The following ATP8A2 variants were observed in gnomAD, a reference collection of about 807,000 sequenced individuals.
ATP8A2 encodes the protein phospholipid-transporting ATPase IB.
In ATP8A2, 100 loss-of-function variants were observed where a neutral mutation model predicts 165.6. The observed-to-expected ratio is 0.60, with a 90% CI of 0.51 to 0.71. The LOEUF is 0.71. Ranked by LOEUF, ATP8A2 falls within the 30% of genes least tolerant of loss-of-function variation. The probability of loss-of-function intolerance (pLI) is 0.00; values close to 1 mark genes in which losing one functional copy is unlikely to be tolerated. For missense variants in ATP8A2, 1,227 were observed against 1,479.5 expected, an observed-to-expected ratio of 0.83 and a Z score of 2.80; for synonymous variants, 543 against 548.8, an observed-to-expected ratio of 0.99 and a Z score of 0.15.
At chr13:25,497,169 G>A (rs1165081975) in intron 2 of ATP8A2, among the ~76,000 whole-genome samples, 1 of 152,162 alleles carries the variant, frequency 6.6e-6, no homozygotes, top group Non-Finnish European at 1.5e-5. Context: ...GAAATTCTTT[G>A]AAGTTTGAGG....
intron 27 of ATP8A2, among the ~76,000 whole-genome samples, chr13:25,794,820 TACACACACACACACACAC>T (rs3053488): frequency 4.3e-5 from 6 of 139,612 alleles, no homozygotes; most frequent in African/African-American, 8.1e-5. Flanking sequence ...TTCCCTCTCC[TACACACACACACACACAC>T]ACACACACAC....
chr13:25,693,837 G>A (rs2042780204), intron 24 of ATP8A2, among the ~76,000 whole-genome samples: 1 of 152,062 alleles, frequency 6.6e-6, no homozygotes, highest in Non-Finnish European at 1.5e-5. Context: ...ATACAAGGGT[G>A]TGCCACCACA....
At chr13:25,564,201 G>A (rs1186038977) in intron 16 of ATP8A2, among the ~76,000 whole-genome samples, 170 bp downstream of exon 16, 2 of 152,290 alleles carry the variant, frequency 1.3e-5, no homozygotes, top group African/African-American at 2.4e-5. Context: ...TGTGGTGAAC[G>A]CTATGCATAA....
intron 1 of ATP8A2, 24 bp from the exon 2 acceptor site, chr13:25,468,953 T>C (rs1188373378): frequency 2.5e-6 from 4 of 1,612,194 alleles, no homozygotes; most frequent in Non-Finnish European, 3.4e-6. Flanking sequence ...TGTCGTATTC[T>C]CTGCCTGCGC....
intron 30 of ATP8A2, among the ~76,000 whole-genome samples, chr13:25,855,197 G>T (rs2138729417): frequency 6.6e-6 from 1 of 150,968 alleles, no homozygotes; most frequent in Non-Finnish European, 1.5e-5. Context: ...ATTGCAGTGA[G>T]CAGAGATCAA....
chr13:25,483,947 A>G (rs976482186), intron 2 of ATP8A2, among the ~76,000 whole-genome samples: 3 of 152,236 alleles, frequency 2.0e-5, no homozygotes, highest in African/African-American at 7.2e-5. Flanking sequence ...GGACTTGCGT[A>G]TTACTCTGCC....
At chr13:25,956,157 A>G (rs1401736502) in intron 33 of ATP8A2, among the ~76,000 whole-genome samples, 1 of 152,224 alleles carries the variant, frequency 6.6e-6, no homozygotes, top group Non-Finnish European at 1.5e-5. Flanking sequence ...TCCCACAGCC[A>G]ATATCATACT....
At chr13:25,478,984 A>G (rs1341277434) in intron 2 of ATP8A2, among the ~76,000 whole-genome samples, 1 of 152,006 alleles carries the variant, frequency 6.6e-6, no homozygotes, top group African/African-American at 2.4e-5. Context: ...AGTAGCTGGG[A>G]CTACAGGCAC....
intron 33 of ATP8A2, among the ~76,000 whole-genome samples, chr13:25,952,209 T>A (rs999854195): frequency 6.6e-6 from 1 of 152,120 alleles, no homozygotes; most frequent in African/African-American, 2.4e-5. Flanking sequence ...TGCTGTGGAA[T>A]TAAGCTTAAA....
chr13:25,381,066 A>G lies in ATP8A2; in HGVS notation c.76+8778A>G, dbSNP rs115751647. On this transcript the variant is annotated intron_variant, in intron 1 of 36. Transcript: ENST00000381655. ...AATACCATTATATTTCTTTGAACCT[A>G]ATCTCTAATAGAATCTGGTTGCTTG... is the stretch of plus-strand genomic sequence containing the variant. 4.8e-3 allele frequency among the ~76,000 whole-genome samples: 736 copies of G among 152,284 alleles called. 6 individuals carry two copies. The highest frequency in any genetic ancestry group is 0.017 in the African/African-American group (712 of 41,542).
Position 25,776,436 on chromosome 13 carries a change from TA to T in ATP8A2, c.2679+1478del, listed in dbSNP as rs150657773. Among the ~76,000 whole-genome samples the T allele has an allele frequency of 3.5e-4, 54 of 152,364 alleles. No individual in the cohort carries two copies. In the East Asian group the frequency reaches 0.01, roughly 28 times the overall value. On this transcript the variant is annotated intron_variant, in intron 27 of 36. Transcript: ENST00000381655. The stretch of plus-strand genomic sequence containing the variant: ...AGATTTGGTGATATAATTGACGTTT[TA>T]TTCAGTATAGTGAGGTTAAAATCAA...
chr13:25,387,850 G>A (rs2033111670), intron 1 of ATP8A2, among the ~76,000 whole-genome samples: 1 of 152,074 alleles, frequency 6.6e-6, no homozygotes, highest in Admixed American at 6.6e-5. Context: ...GATCACCTGA[G>A]GTCAGGAGTT....
At chr13:25,677,791 A>G (rs2042401885) in intron 24 of ATP8A2, among the ~76,000 whole-genome samples, 1 of 152,100 alleles carries the variant, frequency 6.6e-6, no homozygotes. Context: ...TCAAAAAGAG[A>G]ACATGAAGGA....
At chr13:25,437,880 A>G (rs924954770) in intron 1 of ATP8A2, among the ~76,000 whole-genome samples, 8 of 152,218 alleles carry the variant, frequency 5.3e-5, no homozygotes, top group Non-Finnish European at 7.3e-5. Context: ...AATACCCAAA[A>G]TGATTCTTTG....
intron 24 of ATP8A2, among the ~76,000 whole-genome samples, chr13:25,663,843 T>C (rs1244769792): frequency 6.6e-6 from 1 of 152,200 alleles, no homozygotes; most frequent in African/African-American, 2.4e-5. Context: ...AAAACCATTG[T>C]CAAACCTGTA....
intron 33 of ATP8A2, among the ~76,000 whole-genome samples, chr13:25,894,300 C>A (rs1327664500): frequency 6.6e-6 from 1 of 152,140 alleles, no homozygotes; most frequent in Non-Finnish European, 1.5e-5. Context: ...AATCCTTTCC[C>A]CATTTCTTCT....
intron 11 of ATP8A2, among the ~76,000 whole-genome samples, chr13:25,553,405 C>T (rs936764360): frequency 3.3e-5 from 5 of 152,216 alleles, no homozygotes; most frequent in Admixed American, 6.5e-5. Context: ...CCAATATACA[C>T]GTACCTTAGT....
intron 1 of ATP8A2, among the ~76,000 whole-genome samples, chr13:25,425,242 T>C (rs1456287957): frequency 1.3e-5 from 2 of 152,146 alleles, no homozygotes; most frequent in African/African-American, 4.8e-5. Context: ...CTGCTGTGTT[T>C]TGTATATACA....
intron 30 of ATP8A2, among the ~76,000 whole-genome samples, chr13:25,859,712 C>A (rs991158163): frequency 6.6e-6 from 1 of 152,082 alleles, no homozygotes; most frequent in Non-Finnish European, 1.5e-5. Flanking sequence ...GTAATAAATA[C>A]CCCCAAAATT....
Sources: gnomAD v4.1 joint callset for allele counts (sites outside exome capture counted in the v4.1 genomes callset) on GRCh38, gnomAD v4.1.1 for gene constraint, MANE v1.5 for transcripts, NCBI Gene and HGNC (gene_info 2026-07-23, HGNC 2026-07-21) for gene names.